The following UROC1 variants were observed in gnomAD, a reference collection of about 807,000 sequenced individuals.
UROC1 encodes urocanate hydratase.
A neutral mutation model predicts 89.5 loss-of-function variants in UROC1; 79 were observed. The ratio of observed to expected loss-of-function variants is 0.88; its 90% CI spans 0.74 to 1.06. The LOEUF (loss-of-function observed/expected upper bound fraction) is 1.06, where lower values mean the gene tolerates loss of function less well. UROC1 is among the 50% of genes least tolerant of loss of function. UROC1 has a pLI of 0.00. For synonymous variants in UROC1, 361 were observed against 354.8 expected, an observed-to-expected ratio of 1.02 and a Z score of -0.20; for missense variants, 885 against 907.8, an observed-to-expected ratio of 0.97 and a Z score of 0.32.
In UROC1 at chr3:126,488,412, A is replaced by G. The variant is rs1935564574; in HGVS notation, c.1709-133T>C. On this transcript the variant is annotated intron_variant, in intron 17 of 19. Transcript: ENST00000290868. ...GGGGCGGCAACTAGGCCCTAGGGAC[A>G]GGGCCTCTCACAGCAGCAGTCGTGT... 8 of 918,244 alleles carry G rather than the reference A, an allele frequency of 8.7e-6. No individual in the cohort carries two copies. In the East Asian group the frequency reaches 2.1e-4, roughly 24 times the overall value. 56.9% of individuals were successfully genotyped at this position (918,244 alleles called of 1,614,324 possible). A position where few individuals can be genotyped will look rare whatever the true frequency, so the allele number is the denominator to read the frequency against.
At chr3:126,485,539 G>A (rs977492822) in intron 18 of UROC1, among the ~76,000 whole-genome samples, 1 of 151,910 alleles carries the variant, frequency 6.6e-6, no homozygotes, top group Admixed American at 6.6e-5. Context: ...TGCTAGAAAT[G>A]CTGAATCTCC....
At chr3:126,502,592 G>A (rs913317917) in intron 9 of UROC1, among the ~76,000 whole-genome samples, 20 of 151,610 alleles carry the variant, frequency 1.3e-4, no homozygotes, top group Admixed American at 1.2e-3. Context: ...GTGCATGTGT[G>A]TATGTCTGTG....
chr3:126,505,834 A>C lies in UROC1; in HGVS notation c.680T>G (p.Leu227Trp). 6.2e-7 allele frequency: 1 copy of C among 1,613,792 alleles called. No individual in the cohort carries two copies. Among genetic ancestry groups the C allele is most frequent in the Admixed American group, 1.7e-5 (1 of 60,032 alleles). The change falls in exon 8 of 20, where the codon TTG becomes TGG. Residue 227 changes from leucine (L) to tryptophan (W), a missense_variant. Leu to Trp is a moderately conservative substitution (Grantham distance 61). Transcript: ENST00000290868. ...GIVHGTVLTV[L>W]NAARRYLGIE... ...GCCCAGGTACCGACGTGCAGCATTCAACACGGTGAGCTGCAGGGAGAAGAG... is the reference window on the plus strand; with the variant it reads ...GCCCAGGTACCGACGTGCAGCATTCCACACGGTGAGCTGCAGGGAGAAGAG...
intron 10 of UROC1, 51 bp downstream of exon 10, chr3:126,501,167 G>A (rs767845496): frequency 1.3e-6 from 2 of 1,599,750 alleles, no homozygotes; most frequent in Non-Finnish European, 8.6e-7. Context: ...TTTGCTCAGG[G>A]GGCCCCATCT....
At chr3:126,499,546 C>T (rs1935865772) in intron 12 of UROC1, 137 bp from the exon 13 acceptor site, 1 of 895,918 alleles carries the variant, frequency 1.1e-6, no homozygotes, top group African/African-American at 1.6e-5. Flanking sequence ...AAGAGAAAAG[C>T]AGGGGCAGCC....
chr3:126,499,556 C>T (rs1040344376), intron 12 of UROC1, 147 bp from the exon 13 acceptor site: 8 of 833,622 alleles, frequency 9.6e-6, no homozygotes, highest in African/African-American at 1.7e-5. Flanking sequence ...CAGGGGCAGC[C>T]GTGGCCAGCA....
intron 14 of UROC1, among the ~76,000 whole-genome samples, chr3:126,497,066 C>A (rs539710893): frequency 6.6e-6 from 1 of 152,316 alleles, no homozygotes; most frequent in African/African-American, 2.4e-5. Flanking sequence ...AAGGCCCCTG[C>A]TTCCCCTGCC....
chr3:126,509,240 A>T (rs1380937036), intron 3 of UROC1, among the ~76,000 whole-genome samples: 2 of 141,102 alleles, frequency 1.4e-5, no homozygotes, highest in Non-Finnish European at 3.1e-5. Flanking sequence ...TGTCTCTCTA[A>T]AAAAAAAAAA....
At chr3:126,489,160 G>A (rs1935586668) in intron 17 of UROC1, 116 bp downstream of exon 17, 2 of 1,023,924 alleles carry the variant, frequency 2.0e-6, no homozygotes, top group Non-Finnish European at 3.0e-6. Flanking sequence ...GTCACTCTAT[G>A]CCGAGCCTCT....
intron 9 of UROC1, 130 bp from the exon 10 acceptor site, chr3:126,501,410 G>T (rs983685192): frequency 2.2e-5 from 24 of 1,086,710 alleles, no homozygotes; most frequent in Non-Finnish European, 3.3e-5. Flanking sequence ...CAAACGTGGG[G>T]GCCATGGGGC....
In UROC1 at chr3:126,508,440, C is replaced by T. The variant is rs759218789; in HGVS notation, c.387G>A (p.Gly129=). 6.2e-7 allele frequency: 1 copy of T among 1,613,926 alleles called. No individual in the cohort carries two copies. Residue 129 remains glycine, a synonymous_variant, in exon 4 of 20, where the codon GGG becomes GGA. Transcript: ENST00000290868. ...CCTGAGCCCAGTTGCTGAACACCTG[C>T]CCATTTCCTCCATAGGTCACCAGCT... is the stretch of plus-strand genomic sequence containing the variant. The part of the protein sequence containing the change: ...PQELVTYGGN[G]QVFSNWAQFW...
intron 19 of UROC1, 130 bp from the exon 20 acceptor site, chr3:126,482,615 G>A (rs553232306): frequency 2.2e-6 from 3 of 1,381,682 alleles, no homozygotes; most frequent in East Asian, 2.4e-5. Flanking sequence ...CTGCCCTTTT[G>A]TGTCTGCCCC....
chr3:126,517,558 A>G lies in UROC1; in HGVS notation c.126+36T>C, dbSNP rs1405539258. The G allele has an allele frequency of 3.1e-6, 5 of 1,611,990 alleles. No homozygotes were observed. The African/African-American group carries it at 6.7e-5, about 22-fold the overall frequency. On this transcript the variant is annotated intron_variant, in intron 1 of 19. Transcript: ENST00000290868. The stretch of plus-strand genomic sequence containing the variant: ...TATGGACCACCTGGAGGATGCCTAG[A>G]GGCCAAGGCCTCGGGAGCACGGGCC...
At chr3:126,490,838 C>T (rs368073077) in intron 16 of UROC1, among the ~76,000 whole-genome samples, 13 of 152,226 alleles carry the variant, frequency 8.5e-5, no homozygotes, top group Middle Eastern at 3.4e-3. Flanking sequence ...AGAGGGAGCA[C>T]GCAGGTCAGT....
chr3:126,497,747 C>T (rs911562269), intron 14 of UROC1, among the ~76,000 whole-genome samples: 5 of 152,224 alleles, frequency 3.3e-5, no homozygotes, highest in African/African-American at 7.2e-5. Flanking sequence ...TTCTGTCACT[C>T]GCAGCCAGAG....
At chr3:126,499,954 AC>A (rs942086377) in intron 12 of UROC1, 102 bp downstream of exon 12, 4 of 1,179,694 alleles carry the variant, frequency 3.4e-6, no homozygotes, top group Non-Finnish European at 3.7e-6. Flanking sequence ...TTGCTGGGCC[AC>A]CCATGGCACC....
intron 9 of UROC1, among the ~76,000 whole-genome samples, chr3:126,502,941 ATGTG>A (rs1408400177): frequency 7.9e-6 from 1 of 127,350 alleles, no homozygotes; most frequent in African/African-American, 2.8e-5. Flanking sequence ...TTGTGTGTTT[ATGTG>A]TGTGTTATAT....
At chr3:126,488,404 C>CT in intron 17 of UROC1, 125 bp from the exon 18 acceptor site, 2 of 1,033,470 alleles carry the variant, frequency 1.9e-6, no homozygotes, top group South Asian at 2.6e-5. Context: ...CAACTAGGCC[C>CT]TAGGGACAGG....
chr3:126,506,616 G>A (rs1936066453), intron 6 of UROC1, among the ~76,000 whole-genome samples: 1 of 152,202 alleles, frequency 6.6e-6, no homozygotes, highest in Admixed American at 6.5e-5. Flanking sequence ...TTGTGAAGGT[G>A]GGAAAGGCAA....
Sources: allele counts gnomAD v4.1 joint callset (sites outside exome capture counted in the v4.1 genomes callset), GRCh38; gene constraint gnomAD v4.1.1; transcripts MANE v1.5; gene names NCBI Gene and HGNC (gene_info 2026-07-23, HGNC 2026-07-21).